The following FGF14 variants were observed in gnomAD, a reference collection of about 807,000 sequenced individuals.
FGF14 encodes the protein fibroblast growth factor homologous factor 4.
FGF14 carries 5 observed loss-of-function variants against 25.5 expected under a neutral mutation model. That is an observed-to-expected ratio of 0.20 (90% CI 0.10 to 0.41). FGF14 has a LOEUF of 0.41. Ranked by LOEUF, FGF14 falls within the 10% of genes least tolerant of loss-of-function variation. The pLI, the probability that FGF14 is intolerant of heterozygous loss-of-function variation, is 1.00. For missense variants in FGF14, 222 were observed against 320.1 expected, an observed-to-expected ratio of 0.69 and a Z score of 2.34; for synonymous variants, 138 against 118.3, an observed-to-expected ratio of 1.17 and a Z score of -1.08.
chr13:101,992,761 A>T (rs2038975191), intron 1 of FGF14, among the ~76,000 whole-genome samples: 1 of 152,160 alleles, frequency 6.6e-6, no homozygotes, highest in Non-Finnish European at 1.5e-5. Flanking sequence ...CCTTGAAAGT[A>T]AGTCAATAGA....
intron 1 of FGF14, among the ~76,000 whole-genome samples, chr13:102,276,468 T>C (rs867695763): frequency 1.3e-5 from 2 of 151,406 alleles, no homozygotes; most frequent in South Asian, 4.2e-4. Flanking sequence ...ATTTAGAGTA[T>C]GGAAACTTTC....
intron 1 of FGF14, among the ~76,000 whole-genome samples, chr13:102,215,182 C>T (rs978924483): frequency 2.0e-5 from 3 of 152,316 alleles, no homozygotes; most frequent in Non-Finnish European, 4.4e-5. Flanking sequence ...AGGTTAATTG[C>T]TCCCACTCTT....
intron 1 of FGF14, among the ~76,000 whole-genome samples, chr13:102,345,434 A>C (rs1222340734): frequency 6.6e-6 from 1 of 152,200 alleles, no homozygotes; most frequent in Non-Finnish European, 1.5e-5. Context: ...AAGGGAAAAC[A>C]AATAAAGCAA....
rs11299686 is a variant in FGF14 at position 101,741,634 on chromosome 13, T to TAA, written c.409-14826_409-14825dup. Among the ~76,000 whole-genome samples the TAA allele has an allele frequency of 1.9e-3, 279 of 143,866 alleles. 1 individual carries two copies. The highest frequency in any genetic ancestry group is 5.6e-3 in the African/African-American group (216 of 38,684). 94.4% of individuals were successfully genotyped at this position (143,866 alleles called of 152,430 possible). ...TTGTTATGCTCACATTTTATTACAG[T>TAA]AAAAAAAAAAAAAAAAGAATTCCAT... On this transcript the variant is annotated intron_variant, in intron 3 of 4. Transcript: ENST00000376143.
intron 1 of FGF14, among the ~76,000 whole-genome samples, chr13:101,906,119 C>T (rs1280524598): frequency 6.6e-6 from 1 of 152,102 alleles, no homozygotes; most frequent in Non-Finnish European, 1.5e-5. Context: ...TATCCTTATC[C>T]CTGTATTCAG....
intron 1 of FGF14, among the ~76,000 whole-genome samples, chr13:102,134,323 A>C (rs910964772): frequency 1.3e-5 from 2 of 152,140 alleles, no homozygotes; most frequent in Non-Finnish European, 2.9e-5. Context: ...GTGTTGCTTG[A>C]CCAGACCTGT....
intron 1 of FGF14, among the ~76,000 whole-genome samples, chr13:102,389,782 T>C (rs926213371): frequency 6.7e-6 from 1 of 148,222 alleles, no homozygotes; most frequent in African/African-American, 2.4e-5. Flanking sequence ...CACTCAGCAT[T>C]GCCCCTGAAA....
chr13:101,781,043 C>A (rs1442171061), intron 3 of FGF14, among the ~76,000 whole-genome samples: 1 of 152,074 alleles, frequency 6.6e-6, no homozygotes, highest in Non-Finnish European at 1.5e-5. Flanking sequence ...CTCATGGCCA[C>A]CTCACGGTTC....
rs1230162904 is a variant in FGF14 at position 101,739,370 on chromosome 13, C to T, written c.409-12560G>A. Among the ~76,000 whole-genome samples the T allele has an allele frequency of 3.3e-5, 5 of 151,862 alleles. No individual in the cohort carries two copies. In the East Asian group the frequency reaches 7.7e-4, roughly 23 times the overall value. On this transcript the variant is annotated intron_variant, in intron 3 of 4. Coordinates refer to ENST00000376143, the MANE Select transcript of FGF14 (RefSeq NM_004115.4). ...ATAGTTTACCATTTTTTGAAGTGTA[C>T]AGTCTAATGAGAGACAAATGTTTAC...
chr13:102,283,738 C>G (rs1275679772), intron 1 of FGF14, among the ~76,000 whole-genome samples: 1 of 152,104 alleles, frequency 6.6e-6, no homozygotes, highest in Non-Finnish European at 1.5e-5. Context: ...GGTGTGTATA[C>G]AAAAGGGAAA....
In FGF14 at chr13:102,328,406, T is replaced by C. The variant is rs1319165821; in HGVS notation, c.208+73065A>G. Among the ~76,000 whole-genome samples, 5 of 152,376 alleles carry C rather than the reference T, an allele frequency of 3.3e-5. No homozygotes were observed. In the East Asian group the frequency reaches 9.6e-4, roughly 29 times the overall value. On this transcript the variant is annotated intron_variant, in intron 1 of 4. Transcript: ENST00000376131. ...AATTTGTCTTCCAGATAGACTATTTTATCTTCCATATTTCTAGAAAAACTG... is the reference window on the plus strand; with the variant it reads ...AATTTGTCTTCCAGATAGACTATTTCATCTTCCATATTTCTAGAAAAACTG...
At chr13:102,030,847 A>G (rs1269143710) in intron 1 of FGF14, among the ~76,000 whole-genome samples, 2 of 152,056 alleles carry the variant, frequency 1.3e-5, no homozygotes, top group African/African-American at 4.8e-5. Context: ...GTTATTCTCA[A>G]TGGAAAATAT....
chr13:102,323,996 T>C (rs1418665321), intron 1 of FGF14, among the ~76,000 whole-genome samples: 1 of 151,320 alleles, frequency 6.6e-6, no homozygotes, highest in African/African-American at 2.4e-5. Flanking sequence ...TGTGTGTGTG[T>C]GTGTGTGTGT....
chr13:102,210,192 T>G (rs541285646), intron 1 of FGF14, among the ~76,000 whole-genome samples: 1 of 151,704 alleles, frequency 6.6e-6, no homozygotes, highest in African/African-American at 2.4e-5. Context: ...TAGAGAGGTA[T>G]GAAAGAGTGA....
At chr13:102,133,444 TTAAG>T (rs962659357) in intron 1 of FGF14, among the ~76,000 whole-genome samples, 3 of 152,146 alleles carry the variant, frequency 2.0e-5, no homozygotes, top group Non-Finnish European at 2.9e-5. Context: ...ATGTGTGCAT[TTAAG>T]TATGTATATA....
At chr13:102,249,680 T>C (rs1182223721) in intron 1 of FGF14, among the ~76,000 whole-genome samples, 3 of 152,144 alleles carry the variant, frequency 2.0e-5, no homozygotes, top group Non-Finnish European at 2.9e-5. Flanking sequence ...CCTGTGTCTA[T>C]TTCAACCGAG....
intron 3 of FGF14, among the ~76,000 whole-genome samples, chr13:101,806,072 A>C (rs1490338237): frequency 6.6e-6 from 1 of 152,056 alleles, no homozygotes; most frequent in Non-Finnish European, 1.5e-5. Flanking sequence ...TAATGTATAT[A>C]CATATAAAAT....
At chr13:102,112,529 T>G (rs1206125989) in intron 1 of FGF14, among the ~76,000 whole-genome samples, 3 of 152,206 alleles carry the variant, frequency 2.0e-5, no homozygotes, top group African/African-American at 7.2e-5. Context: ...AAACCCATGT[T>G]TTGAATTAAC....
At chr13:102,044,919 A>G (rs927757783) in intron 1 of FGF14, among the ~76,000 whole-genome samples, 1 of 152,108 alleles carries the variant, frequency 6.6e-6, no homozygotes, top group Non-Finnish European at 1.5e-5. Flanking sequence ...ATGTTGGTGT[A>G]CTCTGACTTG....
Sources: gnomAD v4.1 joint callset for allele counts (sites outside exome capture counted in the v4.1 genomes callset) on GRCh38, gnomAD v4.1.1 for gene constraint, MANE v1.5 for transcripts, NCBI Gene and HGNC (gene_info 2026-07-23, HGNC 2026-07-21) for gene names.